PCDHA7: variants seen among roughly 807,000 people sequenced by gnomAD.
The protein encoded by PCDHA7 is protocadherin alpha-7.
PCDHA7 carries 37 observed loss-of-function variants against 57.2 expected under a neutral mutation model. That is an observed-to-expected ratio of 0.65 (90% CI 0.50 to 0.85). The LOEUF is 0.85. PCDHA7 is among the 40% of genes least tolerant of loss of function. The pLI, the probability that PCDHA7 is intolerant of heterozygous loss-of-function variation, is 0.00. For synonymous variants in PCDHA7, 553 were observed against 558.8 expected, an observed-to-expected ratio of 0.99 and a Z score of 0.15; for missense variants, 1,188 against 1,241.8, an observed-to-expected ratio of 0.96 and a Z score of 0.65.
chr5:140,909,061 A>G (rs2074290709), intron 1 of PCDHA7, among the ~76,000 whole-genome samples: 2 of 152,188 alleles, frequency 1.3e-5, no homozygotes, highest in African/African-American at 4.8e-5. Context: ...CAAATGTCTC[A>G]CCAATAAGCC....
intron 1 of PCDHA7, chr5:140,884,580 C>G: frequency 6.2e-7 from 1 of 1,614,150 alleles, no homozygotes; most frequent in Non-Finnish European, 8.5e-7. Context: ...GACCTCATGG[C>G]CTTCAGTCCC....
chr5:140,966,765 C>G (rs2096051420), intron 1 of PCDHA7: 7 of 1,482,914 alleles, frequency 4.7e-6, no homozygotes, highest in Non-Finnish European at 6.3e-6. Context: ...CGGCCAGTGG[C>G]TATGGAGCAG....
At chr5:140,963,714 A>G (rs1554226741) in intron 1 of PCDHA7, among the ~76,000 whole-genome samples, 2 of 152,260 alleles carry the variant, frequency 1.3e-5, no homozygotes, top group Admixed American at 6.5e-5. Context: ...GCCATGCTAC[A>G]TATAGACTGC....
At position 140,854,813 on chromosome 5, in the gene PCDHA7, C is replaced by T. The variant is rs957346497; in HGVS notation, c.2355+18075C>T. 2.0e-5 allele frequency: 3 copies of T among 149,256 alleles called. 1 individual carries two copies. Among genetic ancestry groups the T allele is most frequent in the Admixed American group, 6.7e-5 (1 of 14,824 alleles). The allele number at this position is 149,256 out of a possible 1,614,324, so 9.2% of individuals were successfully genotyped here. On this transcript the variant is annotated intron_variant, in intron 1 of 3. Coordinates refer to ENST00000525929, the MANE Select transcript of PCDHA7 (RefSeq NM_018910.3). ...GAGAGAGAAAAAAATATTTTTACTGCAAGTGGTGATGAAAAACTTCACTGA... is the reference window on the plus strand; with the variant it reads ...GAGAGAGAAAAAAATATTTTTACTGTAAGTGGTGATGAAAAACTTCACTGA...
intron 1 of PCDHA7, chr5:140,849,988 G>A (rs2150461736): frequency 1.8e-5 from 29 of 1,597,364 alleles, no homozygotes; most frequent in African/African-American, 4.0e-5. Flanking sequence ...GTGGAGCGGC[G>A]GTTGGGCGAG....
In PCDHA7 at chr5:140,834,658, G is replaced by T. The variant is rs1554134403; in HGVS notation, c.275G>T (p.Arg92Leu). 1 of 1,614,242 alleles carries T rather than the reference G, an allele frequency of 6.2e-7. No individual in the cohort carries two copies. Among genetic ancestry groups the T allele is most frequent in the South Asian group, 1.1e-5 (1 of 91,088 alleles). Residue 92 changes from arginine to leucine, a missense_variant, in exon 1 of 4, where the codon CGC (arginine) becomes CTC (leucine). Physicochemically the swap from Arg to Leu is moderately radical, Grantham distance 102. Transcript: ENST00000525929. ...GILFVNSRIDREELCGRSAEC... is the reference protein window; with the variant it reads ...GILFVNSRIDLEELCGRSAEC... ...TTGTTTGTGAATTCTCGGATCGACC[G>T]CGAGGAGCTGTGCGGGCGGAGCGCG...
chr5:140,955,698 T>C (rs1295764352), intron 1 of PCDHA7, among the ~76,000 whole-genome samples: 2 of 152,218 alleles, frequency 1.3e-5, no homozygotes, highest in South Asian at 2.1e-4. Context: ...TGAATGTCAA[T>C]GGAAGTTTAA....
chr5:140,946,731 G>T (rs1183627101), intron 1 of PCDHA7, among the ~76,000 whole-genome samples: 1 of 150,574 alleles, frequency 6.6e-6, no homozygotes, highest in African/African-American at 2.5e-5. Flanking sequence ...AATAAGCCAG[G>T]CACAGAAAGA....
intron 3 of PCDHA7, among the ~76,000 whole-genome samples, chr5:140,986,222 G>A (rs1554247822): frequency 1.3e-5 from 2 of 152,164 alleles, no homozygotes; most frequent in African/African-American, 4.8e-5. Flanking sequence ...CCTTTCTCTA[G>A]CCTCCCCTCT....
At chr5:140,968,467 A>T in intron 1 of PCDHA7, 1 of 1,614,124 alleles carries the variant, frequency 6.2e-7, no homozygotes, top group East Asian at 2.2e-5. Flanking sequence ...CTGCCAACGT[A>T]TATGTGGTGG....
chr5:140,857,951 G>A (rs569786768), intron 1 of PCDHA7: 8 of 1,597,390 alleles, frequency 5.0e-6, no homozygotes, highest in East Asian at 4.5e-5. Flanking sequence ...TACGACGCGC[G>A]CTCTGGATGA....
chr5:140,858,135 T>G lies in PCDHA7; in HGVS notation c.2355+21397T>G, dbSNP rs1215623176. 3 of 1,597,334 alleles carry G rather than the reference T, an allele frequency of 1.9e-6. No homozygotes were observed. The African/African-American group carries it at 4.0e-5, about 21-fold the overall frequency. ...GAGGTGGCCCTGGTGGATGTCAACG[T>G]GTACCTGATCATCGCCATCTGCGCG... is the stretch of plus-strand genomic sequence containing the variant. On this transcript the variant is annotated intron_variant, in intron 1 of 3. Transcript: ENST00000525929.
intron 1 of PCDHA7, chr5:140,850,265 G>A (rs2150476543): frequency 1.3e-6 from 2 of 1,594,610 alleles, no homozygotes; most frequent in Admixed American, 1.7e-5. Context: ...CCGGCGTAGT[G>A]GTGGGGAAGG....
intron 1 of PCDHA7, among the ~76,000 whole-genome samples, chr5:140,885,158 T>C (rs1250241606): frequency 6.6e-6 from 1 of 152,198 alleles, no homozygotes; most frequent in African/African-American, 2.4e-5. Flanking sequence ...TGATTGTCTC[T>C]ACTTTTTTGT....
At chr5:140,849,982 A>T (rs2150461317) in intron 1 of PCDHA7, 3 of 1,597,430 alleles carry the variant, frequency 1.9e-6, no homozygotes, top group Non-Finnish European at 2.6e-6. Flanking sequence ...TCGCTGGTGG[A>T]GCGGCGGTTG....
intron 1 of PCDHA7, among the ~76,000 whole-genome samples, chr5:140,839,389 GAT>G (rs2150297251): frequency 1.3e-5 from 2 of 151,658 alleles, no homozygotes; most frequent in African/African-American, 4.9e-5. Flanking sequence ...TTATGATGAT[GAT>G]GATGATTATT....
chr5:140,892,941 A>G (rs1554185454), intron 1 of PCDHA7, among the ~76,000 whole-genome samples: 1 of 152,178 alleles, frequency 6.6e-6, no homozygotes, highest in African/African-American at 2.4e-5. Context: ...GATAAGCACA[A>G]TACTACTTCC....
At chr5:141,005,725 A>AAAAAAG (rs2098234610) in intron 3 of PCDHA7, among the ~76,000 whole-genome samples, 2 of 150,088 alleles carry the variant, frequency 1.3e-5, no homozygotes, top group Admixed American at 6.6e-5. Flanking sequence ...AAAAAAAAAA[A>AAAAAAG]AAAAAAGAAT....
intron 3 of PCDHA7, among the ~76,000 whole-genome samples, chr5:141,007,166 A>C (rs548434277): frequency 3.3e-5 from 5 of 152,294 alleles, no homozygotes; most frequent in Admixed American, 6.5e-5. Context: ...GAACAGTCAG[A>C]GAGAAAGGTC....
Sources: allele counts gnomAD v4.1 joint callset (sites outside exome capture counted in the v4.1 genomes callset), GRCh38; gene constraint gnomAD v4.1.1; transcripts MANE v1.5; gene names NCBI Gene and HGNC (gene_info 2026-07-23, HGNC 2026-07-21).